The following EQTN variants were observed in gnomAD, a reference collection of about 807,000 sequenced individuals.
EQTN encodes Acrosome formation associated factor.
In EQTN, 29 loss-of-function variants were observed where a neutral mutation model predicts 26.9. That is an observed-to-expected ratio of 1.08 (90% CI 0.80 to 1.47). EQTN has a LOEUF of 1.47. EQTN is among the 40% of genes most tolerant of loss of function. The pLI, the probability that EQTN is intolerant of heterozygous loss-of-function variation, is 0.00. For missense variants in EQTN, 391 were observed against 346.1 expected (o/e 1.13, Z -1.03); for synonymous variants, 129 against 120.0 (o/e 1.07, Z -0.49).
chr9:27,293,517 T>A lies in EQTN; in HGVS notation c.289+799A>T, dbSNP rs766011684. Among the ~76,000 whole-genome samples, 160 of 152,268 alleles carry A rather than the reference T, an allele frequency of 1.1e-3. 1 individual carries two copies. Among genetic ancestry groups the A allele is most frequent in the Non-Finnish European group, 4.6e-4 (31 of 68,022 alleles). Reference sequence around the variant, plus strand: ...AGAGCCCCGTTTAAAATGGCAGGAATGTCTTATTCCAATCCCACTTTCCCT... The same window carrying A: ...AGAGCCCCGTTTAAAATGGCAGGAAAGTCTTATTCCAATCCCACTTTCCCT... On this transcript the variant is annotated intron_variant, in intron 3 of 7. Transcript: ENST00000380032.
chr9:27,296,811 A>AT (rs1338152116), intron 1 of EQTN, 73 bp from the exon 2 acceptor site: 21 of 1,575,796 alleles, frequency 1.3e-5, no homozygotes, highest in South Asian at 2.4e-5. Flanking sequence ...TTCTAACTGC[A>AT]TTTTTTTCAC....
At chr9:27,294,444 C>CT (rs1332445201) in intron 2 of EQTN, 42 bp from the exon 3 acceptor site, 4 of 1,226,148 alleles carry the variant, frequency 3.3e-6, no homozygotes, top group Middle Eastern at 1.9e-4. Flanking sequence ...AGCTAAGTCA[C>CT]TTTTTTTCCT....
At position 27,294,222 on chromosome 9, in the gene EQTN, G is replaced by A. The variant is rs189409864; in HGVS notation, c.289+94C>T. 2.0e-5 allele frequency: 16 copies of A among 787,958 alleles called. No homozygotes were observed. The East Asian group carries it at 2.1e-4, about 11-fold the overall frequency. The allele number at this position is 787,958 out of a possible 1,614,324, so 48.8% of individuals were successfully genotyped here. ...GAAAATGTTAGTCTTATTTAGGAAC[G>A]AAGACTTCTTTTCTCCCCAACAGTC... On this transcript the variant is annotated intron_variant, in intron 3 of 7. Transcript: ENST00000380032.
At chr9:27,293,424 GAT>G (rs754399403) in intron 3 of EQTN, among the ~76,000 whole-genome samples, 69 of 152,294 alleles carry the variant, frequency 4.5e-4, no homozygotes, top group Non-Finnish European at 7.5e-4. Context: ...GTTATCCGCA[GAT>G]CTCCATCTTC....
chr9:27,294,095 A>T (rs918222779), intron 3 of EQTN, among the ~76,000 whole-genome samples: 1 of 152,220 alleles, frequency 6.6e-6, no homozygotes, highest in African/African-American at 2.4e-5. Flanking sequence ...AGTGTAATGG[A>T]TGTGGAGTCT....
intron 4 of EQTN, 111 bp from the exon 5 acceptor site, chr9:27,291,174 G>T: frequency 1.1e-6 from 1 of 947,450 alleles, no homozygotes; most frequent in African/African-American, 1.8e-5. Context: ...TAAACTTTGA[G>T]CTCCTATAAT....
At chr9:27,284,999 GA>G (rs747743686) in intron 7 of EQTN, 27 bp from the exon 8 acceptor site, 1 of 1,588,220 alleles carries the variant, frequency 6.3e-7, no homozygotes, top group Non-Finnish European at 8.6e-7. Flanking sequence ...CATATATCAA[GA>G]ATTGTTTTTA....
intron 7 of EQTN, 40 bp from the exon 8 acceptor site, chr9:27,285,012 T>G (rs1323299164): frequency 6.4e-7 from 1 of 1,550,826 alleles, no homozygotes; most frequent in Non-Finnish European, 8.7e-7. Flanking sequence ...TTGTTTTTAA[T>G]TGTGTACATT....
chr9:27,284,680 T>G lies in EQTN; in HGVS notation c.*43A>C, dbSNP rs1350297102. 2 of 1,577,588 alleles carry G rather than the reference T, an allele frequency of 1.3e-6. No individual in the cohort carries two copies. The highest frequency in any genetic ancestry group is 1.7e-6 in the Non-Finnish European group (2 of 1,163,996). ...TTTGATGACAAAATAATTAAAGTTATTTATTCATCAATAAGATTTCTTCAC... is the reference window on the plus strand; with the variant it reads ...TTTGATGACAAAATAATTAAAGTTAGTTATTCATCAATAAGATTTCTTCAC... On this transcript the variant is annotated 3_prime_UTR_variant, in exon 8 of 8. Coordinates refer to ENST00000380032, the MANE Select transcript of EQTN (RefSeq NM_020641.3).
At chr9:27,286,620 T>G (rs1820130568) in intron 6 of EQTN, among the ~76,000 whole-genome samples, 1 of 152,238 alleles carries the variant, frequency 6.6e-6, no homozygotes, top group African/African-American at 2.4e-5. Flanking sequence ...GAAGTTTCTG[T>G]GTTTGCGCAT....
chr9:27,290,086 A>G (rs1820201873), intron 5 of EQTN, among the ~76,000 whole-genome samples: 1 of 152,234 alleles, frequency 6.6e-6, no homozygotes, highest in African/African-American at 2.4e-5. Context: ...ACTTGCCTGA[A>G]TGAAGCTTCT....
chr9:27,291,142 C>CGTTT, intron 4 of EQTN, 79 bp from the exon 5 acceptor site: 1 of 1,319,744 alleles, frequency 7.6e-7, no homozygotes, highest in Non-Finnish European at 1.0e-6. Flanking sequence ...GAGGAACATT[C>CGTTT]GTTTGTTAGT....
chr9:27,284,744 G>C lies in EQTN; in HGVS notation c.864C>G (p.Asn288Lys), dbSNP rs780783579. ...TTCTTCACCGGGTAACCGACTCATCGTTTTCATGCATCTCATTATCTGAGC... is the reference window on the plus strand; with the variant it reads ...TTCTTCACCGGGTAACCGACTCATCCTTTTCATGCATCTCATTATCTGAGC... ...SIGSDNEMHE[N>K]DESVTR Residue 288 changes from asparagine (N) to lysine (K), a missense_variant, in exon 8 of 8, where the codon AAC (asparagine) becomes AAG (lysine). Physicochemically the swap from Asn to Lys is moderately conservative, Grantham distance 94. Coordinates refer to ENST00000380032, the MANE Select transcript of EQTN (RefSeq NM_020641.3). The C allele has an allele frequency of 5.8e-5, 94 of 1,613,670 alleles. 1 individual carries two copies. The South Asian group carries it at 9.1e-4, about 16-fold the overall frequency.
chr9:27,294,186 T>C, intron 3 of EQTN, 130 bp downstream of exon 3: 1 of 541,634 alleles, frequency 1.8e-6, no homozygotes, highest in Non-Finnish European at 3.2e-6. Context: ...TCACAGAATC[T>C]ACTTTAGAGG....
In EQTN at chr9:27,284,736, G is replaced by C; in HGVS notation, c.872C>G (p.Ser291Trp). The C allele has an allele frequency of 6.2e-7, 1 of 1,613,304 alleles. No homozygotes were observed. Among genetic ancestry groups the C allele is most frequent in the Non-Finnish European group, 8.5e-7 (1 of 1,179,692 alleles). The change falls in exon 8 of 8, where the codon TCG becomes TGG. Residue 291 changes from serine (S) to tryptophan (W), a missense_variant. Physicochemically the swap from Ser to Trp is radical, Grantham distance 177. Transcript: ENST00000380032. ...SDNEMHENDE[S>W]VTR is the part of the protein sequence containing the mutation. ...TCCTTGATTTCTTCACCGGGTAACC[G>C]ACTCATCGTTTTCATGCATCTCATT...
intron 6 of EQTN, among the ~76,000 whole-genome samples, chr9:27,287,492 C>T (rs17695534): frequency 0.098 from 14,846 of 152,110 alleles, 952 homozygotes; most frequent in Admixed American, 0.16. Flanking sequence ...GTTTGGAATT[C>T]GTAATCACTG....
intron 3 of EQTN, among the ~76,000 whole-genome samples, chr9:27,293,459 C>A (rs1047226320): frequency 6.6e-6 from 1 of 152,156 alleles, no homozygotes; most frequent in African/African-American, 2.4e-5. Flanking sequence ...TCCTCTAGAA[C>A]GTCCCTACCA....
chr9:27,285,539 A>C (rs1474321518), intron 7 of EQTN, among the ~76,000 whole-genome samples: 1 of 152,218 alleles, frequency 6.6e-6, no homozygotes. Context: ...AAACAGTAGA[A>C]GTTGCCTTAA....
intron 2 of EQTN, 126 bp from the exon 3 acceptor site, chr9:27,294,528 ATT>A: frequency 2.3e-6 from 1 of 432,714 alleles, no homozygotes; most frequent in Non-Finnish European, 4.0e-6. Context: ...AGTTATAGTC[ATT>A]TTTTTTTCAT....
Sources: gnomAD v4.1 joint callset for allele counts (sites outside exome capture counted in the v4.1 genomes callset) on GRCh38, gnomAD v4.1.1 for gene constraint, MANE v1.5 for transcripts, NCBI Gene and HGNC (gene_info 2026-07-23, HGNC 2026-07-21) for gene names.